The following KIAA0825 variants were observed in gnomAD, a reference collection of about 807,000 sequenced individuals.
KIAA0825 encodes KIAA0825, also known as uncharacterized protein KIAA0825.
In KIAA0825, 119 loss-of-function variants were observed where a neutral mutation model predicts 147.6. The ratio of observed to expected loss-of-function variants is 0.81; its 90% CI spans 0.69 to 0.94. The LOEUF (loss-of-function observed/expected upper bound fraction) is 0.94. Ranked by LOEUF, KIAA0825 falls within the 40% of genes least tolerant of loss-of-function variation. KIAA0825 has a pLI of 0.00. For missense variants in KIAA0825, 1,381 were observed against 1,472.7 expected (o/e 0.94, Z 1.02); for synonymous variants, 470 against 518.1 (o/e 0.91, Z 1.26).
chr5:94,316,935 T>C (rs1779716727), intron 20 of KIAA0825, among the ~76,000 whole-genome samples: 1 of 151,868 alleles, frequency 6.6e-6, no homozygotes, highest in Admixed American at 6.6e-5. Flanking sequence ...AAAACCATTT[T>C]TGAAAGTACA....
intron 2 of KIAA0825, chr5:94,569,966 GC>G: frequency 6.5e-6 from 1 of 153,976 alleles, no homozygotes; most frequent in African/African-American, 2.4e-5. Flanking sequence ...CTTCTGAGGA[GC>G]CACGGTAATT....
At chr5:94,223,167 G>A (rs1773821250) in intron 20 of KIAA0825, among the ~76,000 whole-genome samples, 2 of 152,050 alleles carry the variant, frequency 1.3e-5, no homozygotes, top group African/African-American at 4.8e-5. Flanking sequence ...TGTTGTTGCT[G>A]TTGCTTTTAA....
chr5:94,601,079 C>CT (rs1425656551), intron 1 of KIAA0825, among the ~76,000 whole-genome samples: 1 of 152,144 alleles, frequency 6.6e-6, no homozygotes, highest in Non-Finnish European at 1.5e-5. Context: ...CATGGCTGCT[C>CT]TACTAAAGTA....
chr5:94,362,621 A>ACCTGAGC (rs1745220189), intron 20 of KIAA0825, among the ~76,000 whole-genome samples: 33 of 151,514 alleles, frequency 2.2e-4, no homozygotes, highest in Admixed American at 2.6e-4. Flanking sequence ...TACTGTACTT[A>ACCTGAGC]TATGGTAACT....
At chr5:94,239,140 C>T (rs1233595016) in intron 20 of KIAA0825, among the ~76,000 whole-genome samples, 1 of 152,104 alleles carries the variant, frequency 6.6e-6, no homozygotes, top group African/African-American at 2.4e-5. Context: ...GAATGGAATG[C>T]CTGTCTGAAG....
At chr5:94,557,159 G>C (rs1051812525) in intron 2 of KIAA0825, among the ~76,000 whole-genome samples, 6 of 152,000 alleles carry the variant, frequency 3.9e-5, no homozygotes, top group African/African-American at 1.2e-4. Context: ...TGTTGCCCAG[G>C]CCTAAGTGCA....
At chr5:94,558,842 G>A (rs898258978) in intron 2 of KIAA0825, among the ~76,000 whole-genome samples, 4 of 152,120 alleles carry the variant, frequency 2.6e-5, no homozygotes, top group South Asian at 4.1e-4. Flanking sequence ...TCCCTATACC[G>A]GGAAGAAAGC....
chr5:94,458,119 T>C (rs1163048169), intron 12 of KIAA0825, among the ~76,000 whole-genome samples: 1 of 152,136 alleles, frequency 6.6e-6, no homozygotes, highest in Non-Finnish European at 1.5e-5. Flanking sequence ...GAATACCAAA[T>C]TCAAGATTTT....
chr5:94,373,884 C>A (rs1747122807), intron 20 of KIAA0825, among the ~76,000 whole-genome samples: 1 of 152,180 alleles, frequency 6.6e-6, no homozygotes, highest in African/African-American at 2.4e-5. Flanking sequence ...AATTTCCTCT[C>A]ATGTTGCTAT....
chr5:94,271,770 C>A (rs1158390768), intron 20 of KIAA0825, among the ~76,000 whole-genome samples: 2 of 151,720 alleles, frequency 1.3e-5, no homozygotes, highest in African/African-American at 2.4e-5. Context: ...AACAAAAAAA[C>A]CTAAAAATAG....
At position 94,249,276 on chromosome 5, in the gene KIAA0825, A is replaced by G. The variant is rs140982967; in HGVS notation, c.3711-95152T>C. 4.1e-3 allele frequency among the ~76,000 whole-genome samples: 624 copies of G among 152,246 alleles called. 3 individuals carry two copies. Among genetic ancestry groups the G allele is most frequent in the Non-Finnish European group, 7.0e-3 (479 of 68,000 alleles). ...TAGCAGACAAAAATGGCTATATTGT[A>G]AAGTGCAACTAATCTCTCACAAAGT... On this transcript the variant is annotated intron_variant, in intron 20 of 20. Coordinates refer to ENST00000682413, the MANE Select transcript of KIAA0825 (RefSeq NM_001145678.3).
rs1365705215 is a variant in KIAA0825 at position 94,396,024 on chromosome 5, T to C, written c.3296+77A>G. On this transcript the variant is annotated intron_variant, in intron 17 of 20. Coordinates refer to ENST00000682413, the MANE Select transcript of KIAA0825 (RefSeq NM_001145678.3). ...AATACTACTGCTGCCCATCTGACAA[T>C]ATATTGTCATTTATTGGTGATTTTG... 8 of 1,315,906 alleles carry C rather than the reference T, an allele frequency of 6.1e-6. No individual in the cohort carries two copies. The African/African-American group carries it at 9.0e-5, about 15-fold the overall frequency. The allele number at this position is 1,315,906 out of a possible 1,614,324, so 81.5% of individuals were successfully genotyped here. A position where few individuals can be genotyped will look rare whatever the true frequency, so the allele number is the denominator to read the frequency against.
At chr5:94,340,291 A>G (rs1247729327) in intron 20 of KIAA0825, among the ~76,000 whole-genome samples, 1 of 152,164 alleles carries the variant, frequency 6.6e-6, no homozygotes, top group Admixed American at 6.5e-5. Context: ...TGTATTGTTT[A>G]GGAAATAATG....
chr5:94,223,766 TCTAA>T (rs756453993), intron 20 of KIAA0825, among the ~76,000 whole-genome samples: 61 of 152,308 alleles, frequency 4.0e-4, no homozygotes, highest in Middle Eastern at 6.8e-3. Flanking sequence ...ATAAAGATTC[TCTAA>T]CTAACAACAT....
chr5:94,354,612 G>A (rs535373486), intron 20 of KIAA0825, among the ~76,000 whole-genome samples: 18 of 152,244 alleles, frequency 1.2e-4, no homozygotes, highest in African/African-American at 4.3e-4. Flanking sequence ...AGCTTACGCT[G>A]TAATCAGAAT....
At chr5:94,322,172 A>T (rs570484368) in intron 20 of KIAA0825, among the ~76,000 whole-genome samples, 1 of 151,916 alleles carries the variant, frequency 6.6e-6, no homozygotes, top group Non-Finnish European at 1.5e-5. Context: ...TTAAAAAATT[A>T]TTTGGACTTT....
intron 3 of KIAA0825, 22 bp from the exon 4 acceptor site, chr5:94,524,120 G>A: frequency 6.4e-7 from 1 of 1,554,480 alleles, no homozygotes; most frequent in African/African-American, 1.4e-5. Flanking sequence ...AGAAGAAAAA[G>A]TTATTTTGGC....
chr5:94,307,521 C>T (rs1173283980), intron 20 of KIAA0825, among the ~76,000 whole-genome samples: 1 of 151,732 alleles, frequency 6.6e-6, no homozygotes, highest in Admixed American at 6.6e-5. Context: ...TCTTTCTAGC[C>T]TTGATTTCTT....
chr5:94,521,297 G>T (rs1335902956), intron 4 of KIAA0825, among the ~76,000 whole-genome samples: 1 of 151,638 alleles, frequency 6.6e-6, no homozygotes, highest in Non-Finnish European at 1.5e-5. Flanking sequence ...ATAGATTCAA[G>T]ATCATGCCCC....
Sources: allele counts gnomAD v4.1 joint callset (sites outside exome capture counted in the v4.1 genomes callset), GRCh38; gene constraint gnomAD v4.1.1; transcripts MANE v1.5; gene names NCBI Gene and HGNC (gene_info 2026-07-23, HGNC 2026-07-21).